The following PTGER3 variants were observed in gnomAD, a reference collection of about 807,000 sequenced individuals.
The protein encoded by PTGER3 is prostaglandin E2 receptor EP3 subtype.
In PTGER3, 22 loss-of-function variants were observed where a neutral mutation model predicts 34.7. The observed-to-expected ratio is 0.63, with a 90% CI of 0.45 to 0.91. The LOEUF (loss-of-function observed/expected upper bound fraction) is 0.91, where lower values mean the gene tolerates loss of function less well. Among genes scored for constraint, PTGER3 ranks in the 40% least tolerant of loss-of-function variants. The pLI is 0.00. For synonymous variants in PTGER3, 241 were observed against 230.1 expected (o/e 1.05, Z -0.43); for missense variants, 468 against 519.4 (o/e 0.90, Z 0.96).
chr1:70,859,556 A>G (rs900659918), intron 4 of PTGER3, among the ~76,000 whole-genome samples: 21 of 152,258 alleles, frequency 1.4e-4, no homozygotes, highest in African/African-American at 5.1e-4. Flanking sequence ...TTGTAATATT[A>G]GGTATTTACA....
Position 70,994,274 on chromosome 1 carries a change from T to A in PTGER3, c.1077+18031A>T, listed in dbSNP as rs1432238205. Among the ~76,000 whole-genome samples, 3 of 152,192 alleles carry A rather than the reference T, an allele frequency of 2.0e-5. No homozygotes were observed. In the East Asian group the frequency reaches 5.8e-4, roughly 29 times the overall value. ...ACTAAGACTAGTAGTTCATTCAATTTAATATTCTCTCCAATGGTGACACCA... is the reference window on the plus strand; with the variant it reads ...ACTAAGACTAGTAGTTCATTCAATTAAATATTCTCTCCAATGGTGACACCA... On this transcript the variant is annotated intron_variant, in intron 2 of 3. Transcript: ENST00000306666.
intron 2 of PTGER3, chr1:71,006,524 A>T: frequency 1.0e-6 from 1 of 984,690 alleles, no homozygotes; most frequent in Non-Finnish European, 1.2e-6. Flanking sequence ...ACCAAAATCC[A>T]CAAGAAAGGG....
At position 70,980,738 on chromosome 1, in the gene PTGER3, C is replaced by T. The variant is rs1654173771; in HGVS notation, c.1078-6350G>A. The stretch of plus-strand genomic sequence containing the variant: ...CAGAAAATATTAGCTATTCCTATTT[C>T]AGCCATAACAAACAGGCCATTTATT... On this transcript the variant is annotated intron_variant, in intron 2 of 3. Coordinates refer to ENST00000306666, the MANE Select transcript of PTGER3 (RefSeq NM_198719.2). Among the ~76,000 whole-genome samples the T allele has an allele frequency of 2.0e-5, 3 of 152,160 alleles. No homozygotes were observed. In the South Asian group the frequency reaches 6.2e-4, roughly 32 times the overall value.
At chr1:70,869,816 CAG>C (rs1646125217) in intron 4 of PTGER3, among the ~76,000 whole-genome samples, 1 of 152,178 alleles carries the variant, frequency 6.6e-6, no homozygotes, top group Non-Finnish European at 1.5e-5. Context: ...TGTAGCTTCG[CAG>C]GGTTCGGTCC....
At chr1:70,959,585 T>C (rs1177758284) in intron 2 of PTGER3, among the ~76,000 whole-genome samples, 4 of 152,096 alleles carry the variant, frequency 2.6e-5, no homozygotes, top group African/African-American at 9.7e-5. Flanking sequence ...GGTTTTGAAC[T>C]CCTGACCTCG....
intron 2 of PTGER3, among the ~76,000 whole-genome samples, chr1:70,978,432 A>C (rs1195333907): frequency 6.6e-6 from 1 of 152,172 alleles, no homozygotes; most frequent in Non-Finnish European, 1.5e-5. Context: ...TTAATTGGTC[A>C]AATTAATAAG....
chr1:70,936,764 T>C (rs974313822), intron 4 of PTGER3, among the ~76,000 whole-genome samples: 1 of 152,198 alleles, frequency 6.6e-6, no homozygotes, highest in African/African-American at 2.4e-5. Flanking sequence ...GAATCTGTAT[T>C]ATTTGGAAGG....
intron 2 of PTGER3, chr1:71,008,865 A>G (rs372680295): frequency 3.1e-6 from 3 of 962,870 alleles, no homozygotes; most frequent in Non-Finnish European, 3.7e-6. Context: ...TGTGTTTGTA[A>G]TAATAAATAC....
chr1:70,866,499 C>A (rs1337995565), intron 4 of PTGER3, among the ~76,000 whole-genome samples: 1 of 152,202 alleles, frequency 6.6e-6, no homozygotes, highest in Non-Finnish European at 1.5e-5. Flanking sequence ...TACAAACTTT[C>A]TTATGCATAT....
At chr1:70,985,659 T>C (rs1286968066) in intron 2 of PTGER3, among the ~76,000 whole-genome samples, 1 of 152,158 alleles carries the variant, frequency 6.6e-6, no homozygotes, top group Non-Finnish European at 1.5e-5. Context: ...TCCTCCCTGC[T>C]CTTTCTACCC....
At chr1:71,019,818 G>T (rs1234435165) in intron 1 of PTGER3, among the ~76,000 whole-genome samples, 1 of 152,130 alleles carries the variant, frequency 6.6e-6, no homozygotes, top group Non-Finnish European at 1.5e-5. Context: ...TTAATTTATG[G>T]GGGAGGAAAT....
At chr1:70,853,100 C>T (rs1645718497) in intron 4 of PTGER3, among the ~76,000 whole-genome samples, 1 of 152,150 alleles carries the variant, frequency 6.6e-6, no homozygotes, top group South Asian at 2.1e-4. Flanking sequence ...TTTCTACAAA[C>T]ATCTACTAAA....
At chr1:70,887,106 G>A (rs1169234816) in intron 4 of PTGER3, among the ~76,000 whole-genome samples, 1 of 152,190 alleles carries the variant, frequency 6.6e-6, no homozygotes, top group East Asian at 1.9e-4. Flanking sequence ...AAAGCTTACT[G>A]AGTGGGGTTA....
At chr1:70,875,914 C>T (rs1017043831) in intron 4 of PTGER3, among the ~76,000 whole-genome samples, 1 of 152,102 alleles carries the variant, frequency 6.6e-6, no homozygotes, top group Non-Finnish European at 1.5e-5. Context: ...ACCCATGAGT[C>T]TTTATGGTAG....
chr1:71,018,261 AT>A (rs3216531), intron 1 of PTGER3, among the ~76,000 whole-genome samples: 51,600 of 151,988 alleles, frequency 0.34, 9,305 homozygotes, highest in South Asian at 0.45. Flanking sequence ...GCTTCTTTAA[AT>A]TTTTTTACTT....
chr1:70,854,131 T>A lies in PTGER3; in HGVS notation c.*24-1272A>T, dbSNP rs142101665. On this transcript the variant is annotated intron_variant, in intron 4 of 4. Coordinates refer to the PTGER3 transcript ENST00000370931. ...GCAAAAATAGACAAATGAGAGTACA[T>A]CAAACTTAAAGCCTTTTGCACATGA... Among the ~76,000 whole-genome samples, 262 of 152,066 alleles carry A rather than the reference T, an allele frequency of 1.7e-3. 2 individuals are homozygous for A. The highest frequency in any genetic ancestry group is 5.7e-3 in the African/African-American group (238 of 41,462).
At position 70,852,540 on chromosome 1, in the gene PTGER3, A is replaced by G. The variant is rs536639060; in HGVS notation, c.*343T>C. 175 of 431,016 alleles carry G rather than the reference A, an allele frequency of 4.1e-4. 2 individuals carry two copies. In the South Asian group the frequency reaches 5.1e-3, roughly 13 times the overall value. 26.7% of individuals were successfully genotyped at this position (431,016 alleles called of 1,614,324 possible). On this transcript the variant is annotated 3_prime_UTR_variant, in exon 5 of 5. Coordinates refer to the PTGER3 transcript ENST00000370931. ...TGTTTCAATGTGGATAAATCTCAAG[A>G]AACATAATTTTCAATAAAAAAATGC...
chr1:70,963,167 C>T lies in PTGER3; in HGVS notation c.1078-9378G>A, dbSNP rs118062169. ...CACGCCAATGCAAAAGGTGGGTTCT[C>T]ATAATCTGAGACAGCTCTGTCCCTC... On this transcript the variant is annotated intron_variant, in intron 2 of 3. Transcript: ENST00000356595. 1.8e-3 allele frequency among the ~76,000 whole-genome samples: 281 copies of T among 152,336 alleles called. 8 individuals are homozygous for T. In the East Asian group the frequency reaches 0.048, roughly 26 times the overall value.
downstream of PTGER3, chr1:70,951,275 T>G (rs1219756948): frequency 6.6e-6 from 1 of 152,184 alleles, no homozygotes; most frequent in East Asian, 1.9e-4. Context: ...ACACCATTGT[T>G]CAAGAAAACT....
Sources: gnomAD v4.1 joint callset for allele counts (sites outside exome capture counted in the v4.1 genomes callset) on GRCh38, gnomAD v4.1.1 for gene constraint, MANE v1.5 for transcripts, NCBI Gene and HGNC (gene_info 2026-07-23, HGNC 2026-07-21) for gene names.